Variants in RBFOX1 observed in about 807,000 individuals in gnomAD.
RBFOX1 encodes the protein RNA binding fox-1 homolog 1, also known as RNA binding protein fox-1 homolog 1.
A neutral mutation model predicts 57.7 loss-of-function variants in RBFOX1; 8 were observed. That is an observed-to-expected ratio of 0.14 (90% confidence interval 0.08 to 0.25). The LOEUF is 0.25. Among genes scored for constraint, RBFOX1 ranks in the 10% least tolerant of loss-of-function variants. The probability of loss-of-function intolerance (pLI) is 1.00; values close to 1 mark genes in which losing one functional copy is unlikely to be tolerated. For missense variants in RBFOX1, 611 were observed against 548.5 expected (o/e 1.11, Z -1.14); for synonymous variants, 326 against 222.4 (o/e 1.47, Z -4.15).
chr16:7,262,302 C>T (rs535310203), intron 4 of RBFOX1, among the ~76,000 whole-genome samples: 2 of 139,330 alleles, frequency 1.4e-5, no homozygotes, highest in Admixed American at 7.4e-5. Context: ...TTCCTGATTG[C>T]CCATTTCTCT....
chr16:5,980,513 C>T (rs1160656047), intron 4 of RBFOX1, among the ~76,000 whole-genome samples: 3 of 152,098 alleles, frequency 2.0e-5, no homozygotes, highest in East Asian at 3.9e-4. Context: ...TTATTGGCTA[C>T]CTGTGGGGCA....
chr16:7,225,103 A>C lies in RBFOX1; in HGVS notation c.27+173005A>C, dbSNP rs573024320. Among the ~76,000 whole-genome samples the C allele has an allele frequency of 1.1e-4, 16 of 152,288 alleles. 1 individual carries two copies. The South Asian group carries it at 1.5e-3, about 14-fold the overall frequency. On this transcript the variant is annotated intron_variant, in intron 4 of 15. Transcript: ENST00000550418. Reference sequence around the variant, plus strand: ...GTAGTATCCAATATCAGGTGTTCCAAAAAGGGCTTATCATCATCATCATCA... The same window carrying C: ...GTAGTATCCAATATCAGGTGTTCCACAAAGGGCTTATCATCATCATCATCA...
chr16:7,118,017 G>C (rs1187157876), intron 4 of RBFOX1, among the ~76,000 whole-genome samples: 1 of 152,196 alleles, frequency 6.6e-6, no homozygotes. Context: ...TTGCAATTGT[G>C]AATTGTGCTG....
chr16:7,133,188 G>C (rs1382780634), intron 4 of RBFOX1, among the ~76,000 whole-genome samples: 1 of 152,114 alleles, frequency 6.6e-6, no homozygotes, highest in Non-Finnish European at 1.5e-5. Context: ...CAATGTTTTT[G>C]ATGAAGAGGG....
chr16:5,286,075 G>T (rs1026733775), intron 1 of RBFOX1, among the ~76,000 whole-genome samples: 2 of 152,172 alleles, frequency 1.3e-5, no homozygotes, highest in African/African-American at 4.8e-5. Context: ...TGGCCAGACT[G>T]CAGTTGTTAT....
At chr16:7,676,648 C>A in intron 13 of RBFOX1, 126 bp from the exon 14 acceptor site, 1 of 808,550 alleles carries the variant, frequency 1.2e-6, no homozygotes. Context: ...TGATACTAAG[C>A]TTTCATTAAC....
chr16:6,041,667 G>C (rs759301340), intron 1 of RBFOX1, among the ~76,000 whole-genome samples: 6 of 152,216 alleles, frequency 3.9e-5, no homozygotes, highest in Middle Eastern at 3.4e-3. Context: ...ATATCACGCT[G>C]TTCCCTTTTA....
At chr16:7,656,649 C>A (rs569960166) in intron 12 of RBFOX1, among the ~76,000 whole-genome samples, 2 of 152,190 alleles carry the variant, frequency 1.3e-5, no homozygotes, top group African/African-American at 4.8e-5. Flanking sequence ...ACGTCTTTAC[C>A]CCAGCCCAGT....
At chr16:7,457,818 T>TA (rs150655825) in intron 4 of RBFOX1, among the ~76,000 whole-genome samples, 6,309 of 150,138 alleles carry the variant, frequency 0.042, 440 homozygotes, top group African/African-American at 0.15. Flanking sequence ...AAAGTTGTCT[T>TA]AAAAAAAAAA....
intron 2 of RBFOX1, among the ~76,000 whole-genome samples, chr16:6,615,025 G>T (rs1368910551): frequency 1.3e-5 from 2 of 152,156 alleles, no homozygotes; most frequent in African/African-American, 4.8e-5. Flanking sequence ...AATAACCATT[G>T]TGATGCATAA....
At chr16:7,020,987 G>C (rs1160713043) in intron 3 of RBFOX1, among the ~76,000 whole-genome samples, 1 of 152,112 alleles carries the variant, frequency 6.6e-6, no homozygotes, top group East Asian at 1.9e-4. Context: ...AATTAGTTGG[G>C]CATAGTGGCA....
At chr16:6,778,187 A>G (rs904333725) in intron 3 of RBFOX1, among the ~76,000 whole-genome samples, 8 of 152,150 alleles carry the variant, frequency 5.3e-5, no homozygotes, top group Non-Finnish European at 8.8e-5. Context: ...CAATCGATTA[A>G]AACAATTCAG....
At chr16:5,962,020 G>T (rs374819016) in intron 4 of RBFOX1, among the ~76,000 whole-genome samples, 1 of 152,132 alleles carries the variant, frequency 6.6e-6, no homozygotes, top group Non-Finnish European at 1.5e-5. Context: ...TTCCAAATCC[G>T]TTATGCATCC....
chr16:5,240,745 C>A (rs1420119003), intron 1 of RBFOX1, among the ~76,000 whole-genome samples: 1 of 152,208 alleles, frequency 6.6e-6, no homozygotes, highest in African/African-American at 2.4e-5. Flanking sequence ...CCTGTGAGCT[C>A]CCGGTGTCCT....
At chr16:7,418,225 T>C (rs1452962887) in intron 4 of RBFOX1, among the ~76,000 whole-genome samples, 5 of 152,166 alleles carry the variant, frequency 3.3e-5, no homozygotes, top group African/African-American at 9.6e-5. Context: ...CCCATACTGG[T>C]TAAAAAGTTA....
At chr16:5,760,367 CACACACACACGTATATACATATACAT>C (rs1326137686) in intron 3 of RBFOX1, among the ~76,000 whole-genome samples, 1 of 152,090 alleles carries the variant, frequency 6.6e-6, no homozygotes, top group Non-Finnish European at 1.5e-5. Context: ...ATTTCACACA[CACACACACACGTATATACATATACAT>C]ACACACACAC....
At chr16:7,709,012 A>T (rs762179504) in intron 14 of RBFOX1, 44 bp from the exon 15 acceptor site, 3 of 1,534,012 alleles carry the variant, frequency 2.0e-6, no homozygotes, top group Non-Finnish European at 1.8e-6. Context: ...ATTGTTTTGT[A>T]ATTGCATACT....
chr16:6,910,695 C>G (rs1426475152), intron 3 of RBFOX1, among the ~76,000 whole-genome samples: 5 of 152,164 alleles, frequency 3.3e-5, no homozygotes, highest in Non-Finnish European at 7.3e-5. Flanking sequence ...GCTTCAAAGC[C>G]AGCAGTGTGA....
intron 3 of RBFOX1, among the ~76,000 whole-genome samples, chr16:7,005,763 G>T (rs1376934174): frequency 6.6e-6 from 1 of 152,170 alleles, no homozygotes; most frequent in African/African-American, 2.4e-5. Context: ...TCCAAAACAT[G>T]GACCTTGCCT....
Sources: gnomAD v4.1 joint callset for allele counts (sites outside exome capture counted in the v4.1 genomes callset) on GRCh38, gnomAD v4.1.1 for gene constraint, MANE v1.5 for transcripts, NCBI Gene and HGNC (gene_info 2026-07-23, HGNC 2026-07-21) for gene names.